The following PTPRT variants were observed in gnomAD, a reference collection of about 807,000 sequenced individuals.
PTPRT encodes protein tyrosine phosphatase receptor type T.
In PTPRT, 56 loss-of-function variants were observed where a neutral mutation model predicts 176.8. The observed-to-expected ratio is 0.32, with a 90% confidence interval of 0.26 to 0.40. The LOEUF (loss-of-function observed/expected upper bound fraction) is 0.40. PTPRT is among the 10% of genes least tolerant of loss of function. The pLI, the probability that PTPRT is intolerant of heterozygous loss-of-function variation, is 1.00. For synonymous variants in PTPRT, 783 were observed against 739.0 expected (o/e 1.06, Z -0.96); for missense variants, 1,540 against 1,908.2 (o/e 0.81, Z 3.60).
intron 26 of PTPRT, 108 bp downstream of exon 26, chr20:42,102,016 G>T (rs1180498185): frequency 3.0e-6 from 4 of 1,328,960 alleles, no homozygotes; most frequent in Non-Finnish European, 3.1e-6. Flanking sequence ...CAGAAGCAGG[G>T]GGGGCTGGCT....
Position 42,888,460 on chromosome 20 carries a change from C to A in PTPRT, c.89-2528G>T, listed in dbSNP as rs145433046. On this transcript the variant is annotated intron_variant, in intron 1 of 30. Transcript: ENST00000373187. ...TTAGCTGTCATGTAATCCTCACAAA[C>A]CACATGAGGTACATTTTATCTCAAC... 4.2e-3 allele frequency among the ~76,000 whole-genome samples: 643 copies of A among 152,296 alleles called. 6 individuals are homozygous for A. The highest frequency in any genetic ancestry group is 0.015 in the African/African-American group (606 of 41,562).
At chr20:42,924,218 A>T (rs1342348238) in intron 1 of PTPRT, among the ~76,000 whole-genome samples, 1 of 152,148 alleles carries the variant, frequency 6.6e-6, no homozygotes, top group Non-Finnish European at 1.5e-5. Flanking sequence ...TGACTTTTAT[A>T]ACCTGCCTTT....
chr20:42,783,359 G>T (rs563909834), intron 3 of PTPRT, among the ~76,000 whole-genome samples: 1 of 137,522 alleles, frequency 7.3e-6, no homozygotes, highest in East Asian at 1.9e-4. Context: ...ATGTGTAAAG[G>T]ACTCTTGAGA....
chr20:42,984,765 C>T (rs1983477193), intron 1 of PTPRT, among the ~76,000 whole-genome samples: 1 of 152,216 alleles, frequency 6.6e-6, no homozygotes, highest in Admixed American at 6.5e-5. Flanking sequence ...AGAGCCTAGG[C>T]TTGTCTGACA....
intron 2 of PTPRT, among the ~76,000 whole-genome samples, chr20:42,820,248 C>A (rs1302460808): frequency 2.6e-5 from 4 of 152,184 alleles, no homozygotes; most frequent in African/African-American, 9.7e-5. Context: ...CAAATTAGAA[C>A]TCAGGATTAA....
intron 7 of PTPRT, among the ~76,000 whole-genome samples, chr20:42,601,858 G>A (rs1448229660): frequency 6.6e-6 from 1 of 152,104 alleles, no homozygotes; most frequent in African/African-American, 2.4e-5. Context: ...GCACTCTTTT[G>A]TCTCTAGCTA....
chr20:42,590,966 GTGTGTGTGTA>G (rs201793245), intron 7 of PTPRT, among the ~76,000 whole-genome samples: 2,820 of 148,628 alleles, frequency 0.019, 94 homozygotes, highest in African/African-American at 0.068. Context: ...GTGTGTGTGT[GTGTGTGTGTA>G]ATGGGGCATT....
intron 3 of PTPRT, among the ~76,000 whole-genome samples, chr20:42,790,560 C>T (rs926902169): frequency 2.0e-5 from 3 of 152,200 alleles, no homozygotes; most frequent in Admixed American, 6.5e-5. Context: ...CTTGTCCCTG[C>T]AGGCTGATCT....
intron 7 of PTPRT, among the ~76,000 whole-genome samples, chr20:42,514,766 T>G (rs1046089099): frequency 9.2e-5 from 14 of 152,208 alleles, no homozygotes; most frequent in African/African-American, 3.1e-4. Flanking sequence ...AGTGATAGGA[T>G]CCCAGCAATT....
intron 7 of PTPRT, among the ~76,000 whole-genome samples, chr20:42,540,399 G>GA (rs544586954): frequency 1.5e-4 from 23 of 151,766 alleles, no homozygotes; most frequent in Non-Finnish European, 2.1e-4. Flanking sequence ...AGGAAAAAAA[G>GA]AAAAAAAAGA....
At chr20:42,276,520 TA>T (rs2057035471) in intron 13 of PTPRT, among the ~76,000 whole-genome samples, 2 of 33,032 alleles carry the variant, frequency 6.1e-5, no homozygotes, top group African/African-American at 2.1e-4. Flanking sequence ...TATATATATA[TA>T]TATATATATA....
chr20:42,963,613 A>G (rs1380153421), intron 1 of PTPRT, among the ~76,000 whole-genome samples: 2 of 151,980 alleles, frequency 1.3e-5, no homozygotes, highest in African/African-American at 4.8e-5. Flanking sequence ...AGATAGAGAC[A>G]TAACTTTAAA....
At chr20:42,264,937 C>A (rs866759785) in intron 13 of PTPRT, among the ~76,000 whole-genome samples, 2 of 152,228 alleles carry the variant, frequency 1.3e-5, no homozygotes, top group South Asian at 2.1e-4. Context: ...GGCCCAGATT[C>A]AGTCTGCCTG....
intron 13 of PTPRT, chr20:42,270,313 T>C (rs2056910637): frequency 7.6e-7 from 1 of 1,317,336 alleles, no homozygotes; most frequent in African/African-American, 1.5e-5. Context: ...AGACTGCTGA[T>C]TCCTCTCTGG....
chr20:42,807,763 C>T lies in PTPRT; in HGVS notation c.215-16297G>A, dbSNP rs897637115. On this transcript the variant is annotated intron_variant, in intron 2 of 30. Transcript: ENST00000373187. ...ACTCCCTTATATCCATTCATTTGTT[C>T]ACTCATTCATTCATTCTTTTACTAA... Among the ~76,000 whole-genome samples, 6 of 152,196 alleles carry T rather than the reference C, an allele frequency of 3.9e-5. No homozygotes were observed. The East Asian group carries it at 5.8e-4, about 15-fold the overall frequency.
intron 1 of PTPRT, among the ~76,000 whole-genome samples, chr20:42,895,127 G>T (rs2079271532): frequency 6.6e-6 from 1 of 152,200 alleles, no homozygotes; most frequent in Non-Finnish European, 1.5e-5. Flanking sequence ...TTTGCAGGTT[G>T]TATTAGCCTG....
intron 7 of PTPRT, among the ~76,000 whole-genome samples, chr20:42,591,205 A>T (rs2073567787): frequency 6.6e-6 from 1 of 152,124 alleles, no homozygotes; most frequent in Non-Finnish European, 1.5e-5. Context: ...TATTAAGGGA[A>T]AGATTGATAA....
At chr20:42,293,968 GA>G (rs912366051) in intron 12 of PTPRT, among the ~76,000 whole-genome samples, 1 of 151,790 alleles carries the variant, frequency 6.6e-6, no homozygotes, top group African/African-American at 2.4e-5. Flanking sequence ...AGGAAAAGAA[GA>G]AAAAAATAAA....
chr20:42,609,393 C>T (rs534712000), intron 7 of PTPRT, among the ~76,000 whole-genome samples: 2 of 152,130 alleles, frequency 1.3e-5, no homozygotes, highest in Non-Finnish European at 2.9e-5. Flanking sequence ...TTGAATTAAA[C>T]CATTTTCATC....
Sources: allele counts gnomAD v4.1 joint callset (sites outside exome capture counted in the v4.1 genomes callset), GRCh38; gene constraint gnomAD v4.1.1; transcripts MANE v1.5; gene names NCBI Gene and HGNC (gene_info 2026-07-23, HGNC 2026-07-21).